GALNT3: variants seen among roughly 807,000 people sequenced by gnomAD.
GALNT3 encodes GalNAc transferase 3.
In GALNT3, 51 loss-of-function variants were observed where a neutral mutation model predicts 69.8. The ratio of observed to expected loss-of-function variants is 0.73; its 90% CI spans 0.58 to 0.92. The LOEUF (loss-of-function observed/expected upper bound fraction) is 0.92, where lower values mean the gene tolerates loss of function less well. GALNT3 is among the 40% of genes least tolerant of loss of function. The pLI is 0.00. For synonymous variants in GALNT3, 265 were observed against 248.5 expected (o/e 1.07, Z -0.63); for missense variants, 711 against 760.0 (o/e 0.94, Z 0.76).
At chr2:165,785,426 G>A (rs1023967969) in intron 1 of GALNT3, among the ~76,000 whole-genome samples, 2 of 152,172 alleles carry the variant, frequency 1.3e-5, no homozygotes, top group East Asian at 1.9e-4. Context: ...GAAAACTGGT[G>A]TCAGAGGGCA....
chr2:165,763,980 T>C (rs1416954426), intron 3 of GALNT3, among the ~76,000 whole-genome samples: 6 of 152,206 alleles, frequency 3.9e-5, no homozygotes, highest in African/African-American at 1.4e-4. Flanking sequence ...AAATGAGATA[T>C]CTGACCTTCA....
chr2:165,771,864 G>C (rs1006506116), intron 1 of GALNT3, among the ~76,000 whole-genome samples: 1 of 152,142 alleles, frequency 6.6e-6, no homozygotes, highest in African/African-American at 2.4e-5. Flanking sequence ...TTCTAAGATG[G>C]ATTCTCTGGC....
intron 9 of GALNT3, among the ~76,000 whole-genome samples, chr2:165,754,377 A>G (rs1688406610): frequency 7.9e-6 from 1 of 127,114 alleles, no homozygotes; most frequent in East Asian, 2.3e-4. Flanking sequence ...GGCGTGAGCC[A>G]CTCAGCTCGG....
chr2:165,755,013 C>T lies in GALNT3; in HGVS notation c.1443G>A (p.Gln481=), dbSNP rs1285047269. The T allele has an allele frequency of 6.2e-7, 1 of 1,612,182 alleles. No homozygotes were observed. The highest frequency in any genetic ancestry group is 8.5e-7 in the Non-Finnish European group (1 of 1,178,462). Residue 481 remains glutamine (Q), a synonymous_variant, in exon 8 of 11, where the codon CAG becomes CAA. Transcript: ENST00000392701. ...SKRFEIKHRL[Q]CKNFTWYLNN... ...TCAGATACCATGTAAAATTTTTACA[C>T]TGAAGGCGGTGTTTTATTTCAAATC...
At position 165,758,744 on chromosome 2, in the gene GALNT3, T is replaced by C. The variant is rs573903510; in HGVS notation, c.1191+3A>G. The C allele has an allele frequency of 2.7e-6, 4 of 1,487,308 alleles. No individual in the cohort carries two copies. In the South Asian group the frequency reaches 3.4e-5, roughly 13 times the overall value. The allele number at this position is 1,487,308 out of a possible 1,614,324, so 92.1% of individuals were successfully genotyped here. A position where few individuals can be genotyped will look rare whatever the true frequency, so the allele number is the denominator to read the frequency against. The stretch of plus-strand genomic sequence containing the variant: ...CTGCTATATTTAATTTCCATAAACT[T>C]ACTCTGAAAGACATTTCTATATTTT... On this transcript the variant is annotated splice_donor_region_variant and intron_variant, in intron 6 of 10. Transcript: ENST00000392701.
intron 7 of GALNT3, among the ~76,000 whole-genome samples, chr2:165,755,574 G>T (rs1190972842): frequency 1.3e-5 from 2 of 152,190 alleles, no homozygotes; most frequent in Non-Finnish European, 2.9e-5. Flanking sequence ...GATGTTGCTT[G>T]TTCTTAACAA....
Position 165,748,794 on chromosome 2 carries a change from C to T in GALNT3, c.1889G>A (p.Ser630Asn). 1.9e-6 allele frequency: 3 copies of T among 1,610,838 alleles called. No homozygotes were observed. Among genetic ancestry groups the T allele is most frequent in the Non-Finnish European group, 2.5e-6 (3 of 1,178,162 alleles). Residue 630 changes from serine to asparagine, a missense_variant, in exon 11 of 11, where the codon AGC (serine) becomes AAC (asparagine). Transcript: ENST00000392701. Reference protein sequence around the residue: ...PSDPLQKWILSQND With the variant: ...PSDPLQKWILNQND The stretch of plus-strand genomic sequence containing the variant: ...TTTAAGGAACACTTAATCATTTTGG[C>T]TAAGTATCCATTTTTGGAGTGGATC...
At chr2:165,750,691 A>T (rs1247898293) in intron 9 of GALNT3, among the ~76,000 whole-genome samples, 2 of 152,204 alleles carry the variant, frequency 1.3e-5, no homozygotes, top group African/African-American at 4.8e-5. Context: ...TGCTTAAGTG[A>T]ATCACTACTG....
intron 2 of GALNT3, 108 bp from the exon 3 acceptor site, chr2:165,765,164 G>A: frequency 9.9e-7 from 1 of 1,006,758 alleles, no homozygotes; most frequent in Non-Finnish European, 1.5e-6. Context: ...ACTGAAAAAG[G>A]ATAGTTTTCT....
At chr2:165,764,022 G>A (rs985609415) in intron 3 of GALNT3, among the ~76,000 whole-genome samples, 4 of 152,184 alleles carry the variant, frequency 2.6e-5, no homozygotes, top group African/African-American at 7.2e-5. Context: ...ATTTATTAAG[G>A]AATAAATTTT....
At chr2:165,776,432 T>C (rs938062020) in intron 1 of GALNT3, among the ~76,000 whole-genome samples, 2 of 152,064 alleles carry the variant, frequency 1.3e-5, no homozygotes, top group Non-Finnish European at 2.9e-5. Context: ...TTGTACTCTT[T>C]CTAAAACCTT....
Position 165,765,177 on chromosome 2 carries a change from T to C in GALNT3, c.516-121A>G, listed in dbSNP as rs958429901. ...TCACTGAAAAAGGATAGTTTTCTTG[T>C]ATGTGATATAATCTCAATGCTATAT... is the stretch of plus-strand genomic sequence containing the variant. On this transcript the variant is annotated intron_variant, in intron 2 of 10. Transcript: ENST00000392701. The C allele has an allele frequency of 2.4e-5, 21 of 891,204 alleles. No homozygotes were observed. In the Middle Eastern group the frequency reaches 9.3e-4, roughly 40 times the overall value. 55.2% of individuals were successfully genotyped at this position (891,204 alleles called of 1,614,324 possible).
intron 1 of GALNT3, among the ~76,000 whole-genome samples, chr2:165,785,510 C>T (rs1410938450): frequency 6.6e-6 from 1 of 152,096 alleles, no homozygotes; most frequent in Non-Finnish European, 1.5e-5. Flanking sequence ...CTGGAGTTCA[C>T]AAACAACTGC....
chr2:165,763,580 TTAAA>T (rs1558998586), intron 3 of GALNT3, among the ~76,000 whole-genome samples: 1 of 152,200 alleles, frequency 6.6e-6, no homozygotes, highest in Non-Finnish European at 1.5e-5. Context: ...GTAACTCATC[TTAAA>T]TATATAATCA....
intron 2 of GALNT3, among the ~76,000 whole-genome samples, chr2:165,765,815 TTTAA>T (rs1425457094): frequency 6.6e-6 from 1 of 152,226 alleles, no homozygotes; most frequent in African/African-American, 2.4e-5. Flanking sequence ...AAAGATTATC[TTTAA>T]TTAGATATTT....
chr2:165,766,426 T>C (rs2105414989), intron 2 of GALNT3, among the ~76,000 whole-genome samples: 1 of 152,290 alleles, frequency 6.6e-6, no homozygotes, highest in South Asian at 2.1e-4. Flanking sequence ...ATGAAAAATA[T>C]CTTCATATTA....
At chr2:165,755,608 G>C (rs570507880) in intron 7 of GALNT3, among the ~76,000 whole-genome samples, 1 of 152,206 alleles carries the variant, frequency 6.6e-6, no homozygotes, top group Admixed American at 6.5e-5. Context: ...ACCTTTAGTA[G>C]AAAAAGGCAA....
chr2:165,769,439 AT>A (rs1302061936), intron 2 of GALNT3, among the ~76,000 whole-genome samples: 1 of 143,538 alleles, frequency 7.0e-6, no homozygotes, highest in East Asian at 2.1e-4. Context: ...AATAATAATA[AT>A]AAATAAATAA....
intron 1 of GALNT3, among the ~76,000 whole-genome samples, chr2:165,772,938 G>C: frequency 6.6e-6 from 1 of 152,158 alleles, no homozygotes; most frequent in East Asian, 1.9e-4. Context: ...CTGTTTTTAA[G>C]AAAAGACCAC....
Sources: gnomAD v4.1 joint callset for allele counts (sites outside exome capture counted in the v4.1 genomes callset) on GRCh38, gnomAD v4.1.1 for gene constraint, MANE v1.5 for transcripts, NCBI Gene and HGNC (gene_info 2026-07-23, HGNC 2026-07-21) for gene names.